Variants in CALN1 observed in about 807,000 individuals in gnomAD.
The protein encoded by CALN1 is calcium-binding protein 8.
CALN1 carries 17 observed loss-of-function variants against 30.6 expected under a neutral mutation model. That is an observed-to-expected ratio of 0.56 (90% CI 0.38 to 0.83). The LOEUF (loss-of-function observed/expected upper bound fraction) is 0.83. Ranked by LOEUF, CALN1 falls within the 40% of genes least tolerant of loss-of-function variation. The probability of loss-of-function intolerance (pLI) is 0.00; values close to 1 mark genes in which losing one functional copy is unlikely to be tolerated. For synonymous variants in CALN1, 156 were observed against 131.4 expected (o/e 1.19, Z -1.28); for missense variants, 291 against 354.9 (o/e 0.82, Z 1.45).
At chr7:72,309,715 G>A (rs368469228) in intron 2 of CALN1, among the ~76,000 whole-genome samples, 1 of 152,238 alleles carries the variant, frequency 6.6e-6, no homozygotes, top group East Asian at 1.9e-4. Flanking sequence ...CCCACAGCCG[G>A]CCAAGAAAGA....
At chr7:72,503,079 G>A in the CALN1 span, among the ~76,000 whole-genome samples, 2 of 152,130 alleles carry the variant, frequency 1.3e-5, no homozygotes, top group Non-Finnish European at 1.5e-5. Context: ...CTGGGAAGCG[G>A]TGGTTGTAGT....
chr7:72,500,645 T>C, the CALN1 span, among the ~76,000 whole-genome samples: 1 of 152,092 alleles, frequency 6.6e-6, no homozygotes, highest in Non-Finnish European at 1.5e-5. Flanking sequence ...CTGTGATTAC[T>C]GATATTCATT....
At chr7:72,399,849 A>G (rs1036023884) in intron 2 of CALN1, among the ~76,000 whole-genome samples, 4 of 152,262 alleles carry the variant, frequency 2.6e-5, no homozygotes, top group Middle Eastern at 3.4e-3. Flanking sequence ...CGGATGCCTC[A>G]TGAATGCCTG....
At chr7:72,290,405 T>G (rs1798397559) in intron 2 of CALN1, among the ~76,000 whole-genome samples, 1 of 152,162 alleles carries the variant, frequency 6.6e-6, no homozygotes, top group East Asian at 1.9e-4. Context: ...ATTCTCTAAA[T>G]GCTGGGAAGT....
chr7:71,916,474 G>T (rs775945988), intron 5 of CALN1, among the ~76,000 whole-genome samples: 2 of 152,052 alleles, frequency 1.3e-5, no homozygotes, highest in Non-Finnish European at 2.9e-5. Flanking sequence ...ATACACCATA[G>T]AATACTATGC....
At chr7:72,343,019 G>A (rs1009074903) in intron 2 of CALN1, among the ~76,000 whole-genome samples, 2 of 152,110 alleles carry the variant, frequency 1.3e-5, no homozygotes, top group East Asian at 1.9e-4. Flanking sequence ...TGCAGTAATC[G>A]ATAACCAGGA....
chr7:72,124,682 A>G (rs1808616218), intron 3 of CALN1, among the ~76,000 whole-genome samples: 1 of 151,986 alleles, frequency 6.6e-6, no homozygotes, highest in Non-Finnish European at 1.5e-5. Flanking sequence ...ATTAGATGAC[A>G]AAAGATCTTT....
the CALN1 span, among the ~76,000 whole-genome samples, chr7:72,472,212 G>A: frequency 6.6e-6 from 1 of 152,160 alleles, no homozygotes; most frequent in Non-Finnish European, 1.5e-5. Flanking sequence ...CTCAGCCATA[G>A]TCACCAAAAC....
At chr7:71,925,256 G>C (rs1483280199) in intron 5 of CALN1, among the ~76,000 whole-genome samples, 1 of 151,552 alleles carries the variant, frequency 6.6e-6, no homozygotes, top group African/African-American at 2.4e-5. Context: ...GAGAGAGAGA[G>C]ACAAAGAAAA....
intron 3 of CALN1, among the ~76,000 whole-genome samples, chr7:72,167,274 T>C (rs1052557294): frequency 3.3e-5 from 5 of 152,182 alleles, no homozygotes; most frequent in African/African-American, 1.2e-4. Context: ...GCTACCCAAA[T>C]TGTGTAATGA....
intron 3 of CALN1, among the ~76,000 whole-genome samples, chr7:72,175,325 G>A (rs760954843): frequency 1.7e-4 from 26 of 152,006 alleles, no homozygotes; most frequent in Non-Finnish European, 2.6e-4. Flanking sequence ...TGCCCGCCTC[G>A]GCCTCCCAAA....
intron 5 of CALN1, among the ~76,000 whole-genome samples, chr7:71,846,862 G>GTATATATATATAATATATACACACATA (rs1790279099): frequency 7.1e-6 from 1 of 141,202 alleles, no homozygotes; most frequent in Non-Finnish European, 1.5e-5. Flanking sequence ...ATGTATATAT[G>GTATATATATATAATATATACACACATA]TATGTATATA....
intron 5 of CALN1, among the ~76,000 whole-genome samples, chr7:72,021,254 G>C (rs1210763855): frequency 7.9e-5 from 12 of 152,022 alleles, no homozygotes; most frequent in Non-Finnish European, 5.9e-5. Flanking sequence ...CAGCCTAGGT[G>C]ACGGAATGAA....
At chr7:72,385,770 C>T (rs1234853370) in intron 2 of CALN1, among the ~76,000 whole-genome samples, 2 of 152,134 alleles carry the variant, frequency 1.3e-5, no homozygotes, top group Non-Finnish European at 1.5e-5. Flanking sequence ...GTGGCAGTTT[C>T]CTCATCACAC....
At chr7:72,283,252 T>C (rs1265926874) in intron 2 of CALN1, among the ~76,000 whole-genome samples, 1 of 152,068 alleles carries the variant, frequency 6.6e-6, no homozygotes, top group Admixed American at 6.6e-5. Flanking sequence ...CGGCCAGGCA[T>C]GGTGGCTCAC....
intron 5 of CALN1, among the ~76,000 whole-genome samples, chr7:71,897,575 T>C (rs938190580): frequency 6.6e-6 from 1 of 152,110 alleles, no homozygotes; most frequent in Non-Finnish European, 1.5e-5. Flanking sequence ...AGATTAAATA[T>C]GCCATCTTTG....
chr7:71,822,436 C>T (rs111598559), intron 5 of CALN1, among the ~76,000 whole-genome samples: 12 of 152,196 alleles, frequency 7.9e-5, no homozygotes, highest in South Asian at 2.1e-4. Flanking sequence ...TTAGTAGAGA[C>T]GGGATTTCTC....
At chr7:72,084,949 CAG>C (rs1260111123) in intron 4 of CALN1, among the ~76,000 whole-genome samples, 16 of 152,270 alleles carry the variant, frequency 1.1e-4, no homozygotes, top group African/African-American at 3.6e-4. Flanking sequence ...TCCAACTTGC[CAG>C]AGACGTGAAT....
At chr7:72,281,478 GTTATC>G (rs1562833982) in intron 2 of CALN1, among the ~76,000 whole-genome samples, 2 of 152,140 alleles carry the variant, frequency 1.3e-5, no homozygotes, top group Non-Finnish European at 2.9e-5. Context: ...CTCACCAGCT[GTTATC>G]TTAACATGTT....
Sources: allele counts gnomAD v4.1 joint callset (sites outside exome capture counted in the v4.1 genomes callset), GRCh38; gene constraint gnomAD v4.1.1; transcripts MANE v1.5; gene names NCBI Gene and HGNC (gene_info 2026-07-23, HGNC 2026-07-21).